FAM168A: variants seen among roughly 807,000 people sequenced by gnomAD.
FAM168A encodes family with sequence similarity 168 member A, also known as protein FAM168A.
FAM168A carries 3 observed loss-of-function variants against 28.5 expected under a neutral mutation model. The ratio of observed to expected loss-of-function variants is 0.11; its 90% confidence interval spans 0.05 to 0.27. FAM168A has a LOEUF of 0.27. Among genes scored for constraint, FAM168A ranks in the 10% least tolerant of loss-of-function variants. The probability of loss-of-function intolerance (pLI) is 1.00; values close to 1 mark genes in which losing one functional copy is unlikely to be tolerated. For synonymous variants in FAM168A, 122 were observed against 124.2 expected (o/e 0.98, Z 0.12); for missense variants, 222 against 311.5 (o/e 0.71, Z 2.16).
At chr11:73,501,236 A>G (rs1855005549) in intron 1 of FAM168A, among the ~76,000 whole-genome samples, 3 of 152,342 alleles carry the variant, frequency 2.0e-5, no homozygotes, top group Non-Finnish European at 2.9e-5. Context: ...CTACCACACA[A>G]TAATAGTGGG....
At chr11:73,537,951 T>C (rs1157258807) in intron 1 of FAM168A, among the ~76,000 whole-genome samples, 2 of 152,074 alleles carry the variant, frequency 1.3e-5, no homozygotes, top group Non-Finnish European at 2.9e-5. Context: ...GGAAGAAAAA[T>C]AGAAGGGAAT....
Position 73,508,871 on chromosome 11 carries a change from TG to T in FAM168A, c.-18-40380del, listed in dbSNP as rs531996353. On this transcript the variant is annotated intron_variant, in intron 1 of 7. Transcript: ENST00000356467. ...TGGGAACTAGTTTGTGCGTATATGTTGAATAAGCCAGTATGTGTGTAGTCAC... is the reference window on the plus strand; with the variant it reads ...TGGGAACTAGTTTGTGCGTATATGTTAATAAGCCAGTATGTGTGTAGTCAC... 2.0e-5 allele frequency among the ~76,000 whole-genome samples: 3 copies of T among 152,316 alleles called. No homozygotes were observed. In the East Asian group the frequency reaches 5.8e-4, roughly 29 times the overall value.
intron 2 of FAM168A, among the ~76,000 whole-genome samples, chr11:73,455,337 C>T (rs580818): frequency 0.17 from 25,241 of 152,198 alleles, 2,241 homozygotes; most frequent in East Asian, 0.29. Flanking sequence ...CGCTCTGTCC[C>T]ACAAGGGGTA....
At chr11:73,459,493 G>GAA (rs914369318) in intron 2 of FAM168A, among the ~76,000 whole-genome samples, 6 of 120,532 alleles carry the variant, frequency 5.0e-5, no homozygotes, top group East Asian at 4.8e-4. Context: ...GTCAAAAAAA[G>GAA]AAAAAAAAAA....
intron 1 of FAM168A, among the ~76,000 whole-genome samples, chr11:73,500,193 C>A (rs1407917378): frequency 5.3e-5 from 8 of 151,894 alleles, no homozygotes; most frequent in African/African-American, 1.5e-4. Context: ...ACTCTTCAAG[C>A]CAGAAGAGAT....
chr11:73,534,425 C>T (rs185844710), intron 1 of FAM168A, among the ~76,000 whole-genome samples: 99 of 147,446 alleles, frequency 6.7e-4, no homozygotes, highest in Admixed American at 4.9e-3. Context: ...TTTTTTGAGA[C>T]GGAGTCTCAC....
rs2134514818 is a variant in FAM168A, at chr11:73,432,927, T to A, written c.71-2157A>T. On this transcript the variant is annotated intron_variant, in intron 2 of 7. Coordinates refer to ENST00000356467, the MANE Select transcript of FAM168A (RefSeq NM_015159.3). Reference sequence around the variant, plus strand: ...ATAAAACAATTATTTGTTTATTTTTTAAGAGACAGGGTCTTGTTCTATTAC... The same window carrying A: ...ATAAAACAATTATTTGTTTATTTTTAAAGAGACAGGGTCTTGTTCTATTAC... 2.0e-5 allele frequency among the ~76,000 whole-genome samples: 3 copies of A among 152,200 alleles called. No homozygotes were observed. The Middle Eastern group carries it at 0.01, about 518-fold the overall frequency.
intron 1 of FAM168A, among the ~76,000 whole-genome samples, chr11:73,563,602 T>C (rs1943984354): frequency 6.6e-6 from 1 of 152,218 alleles, no homozygotes; most frequent in Non-Finnish European, 1.5e-5. Context: ...TGTAATTGTA[T>C]AATTAAATGG....
At chr11:73,549,299 T>C (rs550895712) in intron 1 of FAM168A, among the ~76,000 whole-genome samples, 5 of 152,230 alleles carry the variant, frequency 3.3e-5, no homozygotes, top group Non-Finnish European at 7.3e-5. Context: ...CTTATTTACA[T>C]GTCTGTCTCT....
At chr11:73,594,563 G>A (rs910333297) in intron 1 of FAM168A, among the ~76,000 whole-genome samples, 1 of 152,146 alleles carries the variant, frequency 6.6e-6, no homozygotes, top group Admixed American at 6.5e-5. Context: ...TTTTGAGACA[G>A]AGTTTCGCTC....
At chr11:73,418,074 T>C (rs1361523012) in intron 4 of FAM168A, among the ~76,000 whole-genome samples, 1 of 152,254 alleles carries the variant, frequency 6.6e-6, no homozygotes, top group Non-Finnish European at 1.5e-5. Context: ...AGGGTGATTA[T>C]GAGACTATAT....
intron 2 of FAM168A, among the ~76,000 whole-genome samples, chr11:73,459,321 T>A (rs538583405): frequency 1.3e-5 from 2 of 151,856 alleles, no homozygotes; most frequent in African/African-American, 4.8e-5. Flanking sequence ...CCGTCTCTAC[T>A]GAAAATACAA....
chr11:73,541,990 C>T (rs1250612297), intron 1 of FAM168A, among the ~76,000 whole-genome samples: 1 of 152,188 alleles, frequency 6.6e-6, no homozygotes, highest in Non-Finnish European at 1.5e-5. Context: ...CATTACCCAA[C>T]ACAGATTACC....
At chr11:73,502,600 T>C (rs1256877833) in intron 1 of FAM168A, among the ~76,000 whole-genome samples, 1 of 152,180 alleles carries the variant, frequency 6.6e-6, no homozygotes, top group African/African-American at 2.4e-5. Context: ...CCTGAAACTA[T>C]TCTAAACAAC....
chr11:73,446,098 G>A (rs1232948494), intron 2 of FAM168A, among the ~76,000 whole-genome samples: 2 of 152,212 alleles, frequency 1.3e-5, no homozygotes, highest in African/African-American at 2.4e-5. Flanking sequence ...CAATGCAAAT[G>A]ACACTGTGTA....
intron 1 of FAM168A, among the ~76,000 whole-genome samples, chr11:73,529,936 G>A (rs1266080691): frequency 5.9e-5 from 9 of 151,530 alleles, no homozygotes; most frequent in Non-Finnish European, 1.3e-4. Flanking sequence ...ACAGGCGCCC[G>A]GCACCACACC....
chr11:73,536,138 A>C (rs115455581), intron 1 of FAM168A, among the ~76,000 whole-genome samples: 2,415 of 152,200 alleles, frequency 0.016, 64 homozygotes, highest in African/African-American at 0.056. Context: ...GAGCCATCAC[A>C]CTCGGCCAGC....
At chr11:73,468,266 T>C (rs1010545709) in intron 2 of FAM168A, 139 bp downstream of exon 2, 6 of 638,366 alleles carry the variant, frequency 9.4e-6, no homozygotes, top group African/African-American at 9.1e-5. Context: ...ATCTTTCCGC[T>C]GGACCTCAGA....
At position 73,409,623 on chromosome 11, in the gene FAM168A, A is replaced by G. The variant is rs768712052; in HGVS notation, c.459T>C (p.Pro153=). ...YYTQPVYAAQ[P]HVIHHTTVVQ... is the part of the protein sequence containing the mutation. ...CGACCGTGGTATGGTGGATGACATG[A>G]GGCTGGGCAGCATACACCGGCTGTG... is the stretch of plus-strand genomic sequence containing the variant. The change falls in exon 6 of 8, where the codon CCT becomes CCC. Residue 153 remains proline, a synonymous_variant. Transcript: ENST00000356467. 1.9e-6 allele frequency: 3 copies of G among 1,612,900 alleles called. No homozygotes were observed. The highest frequency in any genetic ancestry group is 2.5e-6 in the Non-Finnish European group (3 of 1,179,458).
Sources: allele counts gnomAD v4.1 joint callset (sites outside exome capture counted in the v4.1 genomes callset), GRCh38; gene constraint gnomAD v4.1.1; transcripts MANE v1.5; gene names NCBI Gene and HGNC (gene_info 2026-07-23, HGNC 2026-07-21).